Variants in SPATA13 observed in about 807,000 individuals in gnomAD.
SPATA13 encodes the protein spermatogenesis associated 13.
A neutral mutation model predicts 104.0 loss-of-function variants in SPATA13; 50 were observed. The observed-to-expected ratio is 0.48, with a 90% CI of 0.38 to 0.61. The LOEUF (loss-of-function observed/expected upper bound fraction) is 0.61, where lower values mean the gene tolerates loss of function less well. Among genes scored for constraint, SPATA13 ranks in the 20% least tolerant of loss-of-function variants. SPATA13 has a pLI of 0.00. For synonymous variants in SPATA13, 606 were observed against 667.5 expected, an observed-to-expected ratio of 0.91 and a Z score of 1.42; for missense variants, 1,524 against 1,690.6, an observed-to-expected ratio of 0.90 and a Z score of 1.73.
chr13:24,290,519 C>A, intron 8 of SPATA13, 133 bp from the exon 9 acceptor site: 1 of 712,814 alleles, frequency 1.4e-6, no homozygotes, highest in Non-Finnish European at 2.4e-6. Context: ...GGATTTCATG[C>A]CCTGTCCTTC....
At chr13:24,249,936 C>G (rs902190263) in intron 3 of SPATA13, 94 bp downstream of exon 3, 1 of 1,482,550 alleles carries the variant, frequency 6.7e-7, no homozygotes, top group South Asian at 1.4e-5. Context: ...TGCTTTTTCT[C>G]TCCCGTTCTC....
At chr13:24,038,088 T>C (rs1440863886) in intron 3 of SPATA13, among the ~76,000 whole-genome samples, 3 of 151,652 alleles carry the variant, frequency 2.0e-5, no homozygotes, top group Non-Finnish European at 4.4e-5. Flanking sequence ...ATTTTTTGTA[T>C]TTTTTTAGTA....
chr13:24,054,340 C>T lies in SPATA13; in HGVS notation c.-112+36639C>T, dbSNP rs148198089. Among the ~76,000 whole-genome samples, 16 of 152,296 alleles carry T rather than the reference C, an allele frequency of 1.1e-4. No individual in the cohort carries two copies. In the East Asian group the frequency reaches 1.5e-3, roughly 15 times the overall value. On this transcript the variant is annotated intron_variant, in intron 3 of 14. Coordinates refer to the SPATA13 transcript ENST00000424834. ...TTAGATAGATGAATGTGAAGTTTAA[C>T]GAAATTAGCTCTGTCCAAGTATCCA...
chr13:24,084,885 A>T (rs1007411665), intron 3 of SPATA13, among the ~76,000 whole-genome samples: 2 of 152,194 alleles, frequency 1.3e-5, no homozygotes, highest in Non-Finnish European at 2.9e-5. Context: ...ATGTATATAT[A>T]TTTATAAATT....
intron 2 of SPATA13, among the ~76,000 whole-genome samples, chr13:23,998,883 A>G (rs1875815251): frequency 6.7e-6 from 1 of 148,968 alleles, no homozygotes; most frequent in African/African-American, 2.5e-5. Flanking sequence ...AATTGGCTTT[A>G]TATTTGTGTT....
chr13:24,275,183 G>A (rs1874886164), intron 4 of SPATA13, among the ~76,000 whole-genome samples: 1 of 152,142 alleles, frequency 6.6e-6, no homozygotes, highest in Admixed American at 6.5e-5. Context: ...TGAAAATGGG[G>A]ACTGGGGCAT....
intron 3 of SPATA13, among the ~76,000 whole-genome samples, chr13:24,087,290 G>A (rs923089956): frequency 7.9e-5 from 12 of 152,106 alleles, no homozygotes; most frequent in Non-Finnish European, 1.8e-4. Context: ...AGCAAAGCCT[G>A]CTACCCACCC....
chr13:24,293,977 C>T (rs1363600219), intron 9 of SPATA13, among the ~76,000 whole-genome samples: 1 of 152,210 alleles, frequency 6.6e-6, no homozygotes, highest in Non-Finnish European at 1.5e-5. Flanking sequence ...AAATATAGCT[C>T]ATTAGCTGGA....
chr13:24,038,148 C>T (rs1455173788), intron 3 of SPATA13, among the ~76,000 whole-genome samples: 5 of 152,110 alleles, frequency 3.3e-5, no homozygotes, highest in South Asian at 2.1e-4. Flanking sequence ...CTCCTGACCT[C>T]GTGATCCGCC....
intron 7 of SPATA13, among the ~76,000 whole-genome samples, chr13:24,288,422 G>A (rs1192444156): frequency 6.6e-6 from 1 of 152,166 alleles, no homozygotes; most frequent in Admixed American, 6.6e-5. Context: ...TGTATGTACA[G>A]CCTTTTCTTC....
At position 24,294,732 on chromosome 13, in the gene SPATA13, C is replaced by T; in HGVS notation, c.3081-7C>T. 1.9e-6 allele frequency: 3 copies of T among 1,579,312 alleles called. No homozygotes were observed. The South Asian group carries it at 3.4e-5, about 18-fold the overall frequency. On this transcript the variant is annotated splice_region_variant and splice_polypyrimidine_tract_variant and intron_variant, in intron 9 of 12. Coordinates refer to ENST00000382108, the MANE Select transcript of SPATA13 (RefSeq NM_001166271.3). ...TATGTGATTAAAATTAACCTCCCATCTTGCAGTGATTACAGCAACATAAAG... is the reference window on the plus strand; with the variant it reads ...TATGTGATTAAAATTAACCTCCCATTTTGCAGTGATTACAGCAACATAAAG...
At chr13:24,038,651 G>A (rs768445297) in intron 3 of SPATA13, among the ~76,000 whole-genome samples, 10 of 152,254 alleles carry the variant, frequency 6.6e-5, no homozygotes, top group South Asian at 6.2e-4. Flanking sequence ...CCATTGCTGC[G>A]CGAATGCAGC....
At chr13:24,112,193 G>C (rs1439667206) in intron 3 of SPATA13, among the ~76,000 whole-genome samples, 1 of 152,136 alleles carries the variant, frequency 6.6e-6, no homozygotes, top group Non-Finnish European at 1.5e-5. Flanking sequence ...GCAAAGCTGA[G>C]TTATTGGCCA....
At chr13:24,234,579 G>A (rs1162024359) in intron 2 of SPATA13, among the ~76,000 whole-genome samples, 3 of 152,172 alleles carry the variant, frequency 2.0e-5, no homozygotes, top group African/African-American at 7.2e-5. Context: ...TTTGTTGGTG[G>A]GGGCCAGAGT....
chr13:24,066,951 T>C (rs905193309), intron 3 of SPATA13, among the ~76,000 whole-genome samples: 2 of 152,194 alleles, frequency 1.3e-5, no homozygotes, highest in African/African-American at 4.8e-5. Context: ...ATTTGCAAGA[T>C]AATAGCTAAA....
chr13:24,016,149 A>G (rs1876703521), intron 2 of SPATA13, among the ~76,000 whole-genome samples: 1 of 152,176 alleles, frequency 6.6e-6, no homozygotes. Flanking sequence ...GACACCCCTG[A>G]GACCTGCCCG....
intron 1 of SPATA13, among the ~76,000 whole-genome samples, chr13:24,188,642 A>G (rs1233634851): frequency 6.6e-6 from 1 of 152,258 alleles, no homozygotes; most frequent in African/African-American, 2.4e-5. Context: ...GTGCTGATGT[A>G]GAAGCTGAAG....
chr13:24,108,230 C>T (rs912828046), intron 3 of SPATA13, among the ~76,000 whole-genome samples: 1 of 152,186 alleles, frequency 6.6e-6, no homozygotes, highest in Non-Finnish European at 1.5e-5. Context: ...CCTAAAGGCT[C>T]CACCTCTTAA....
At chr13:24,087,947 C>T (rs1179428245) in intron 3 of SPATA13, among the ~76,000 whole-genome samples, 3 of 152,232 alleles carry the variant, frequency 2.0e-5, no homozygotes, top group Admixed American at 2.0e-4. Flanking sequence ...TCAGCCAGCC[C>T]AGCTCTTCCA....
Sources: allele counts gnomAD v4.1 joint callset (sites outside exome capture counted in the v4.1 genomes callset), GRCh38; gene constraint gnomAD v4.1.1; transcripts MANE v1.5; gene names NCBI Gene and HGNC (gene_info 2026-07-23, HGNC 2026-07-21).